MRPL1: variants seen among roughly 807,000 people sequenced by gnomAD.
MRPL1 encodes the protein large ribosomal subunit protein uL1m.
Under a neutral mutation model 38.0 loss-of-function variants are expected in MRPL1, and 28 were observed. That is an observed-to-expected ratio of 0.74 (90% CI 0.55 to 1.01). The LOEUF is 1.01. Ranked by LOEUF, MRPL1 falls within the 50% of genes least tolerant of loss-of-function variation. The probability of loss-of-function intolerance (pLI) is 0.00; values close to 1 mark genes in which losing one functional copy is unlikely to be tolerated. For missense variants in MRPL1, 358 were observed against 389.8 expected (o/e 0.92, Z 0.69); for synonymous variants, 123 against 126.7 (o/e 0.97, Z 0.20).
rs71214374 is a variant in MRPL1, at chr4:77,867,746, CTTTTTTT to C, written c.32-3975_32-3969del. 1.8e-3 allele frequency among the ~76,000 whole-genome samples: 167 copies of C among 92,036 alleles called. 1 individual carries two copies. The highest frequency in any genetic ancestry group is 2.0e-3 in the Non-Finnish European group (97 of 48,372). 60.4% of individuals were successfully genotyped at this position (92,036 alleles called of 152,430 possible). Reference sequence around the variant, plus strand: ...TACACCCAGCCTTGGATAGTTATTTCTTTTTTTTTTTTTTTTTTTTTTTTTTTTTAGA... The same window carrying C: ...TACACCCAGCCTTGGATAGTTATTTCTTTTTTTTTTTTTTTTTTTTTTAGA... On this transcript the variant is annotated intron_variant, in intron 1 of 8. Transcript: ENST00000315567.
chr4:77,897,072 CT>C (rs113485592), intron 6 of MRPL1, among the ~76,000 whole-genome samples: 10,856 of 149,030 alleles, frequency 0.073, 616 homozygotes, highest in African/African-American at 0.16. Flanking sequence ...TGAAATATAT[CT>C]TTTTTTTTTA....
rs766283466 is a variant in MRPL1, at chr4:77,862,847, A to C, written c.-2A>C. 1 of 1,614,136 alleles carries C rather than the reference A, an allele frequency of 6.2e-7. No individual in the cohort carries two copies. The highest frequency in any genetic ancestry group is 1.7e-5 in the Admixed American group (1 of 60,014). On this transcript the variant is annotated 5_prime_UTR_variant, in exon 1 of 9. Transcript: ENST00000315567. ...TCGTGAACGCAATCCGGAGTGCCCA[A>C]CATGGCGGCGGCCGTAAGGTGCATG... is the stretch of plus-strand genomic sequence containing the variant.
chr4:77,911,036 T>C (rs1053699167), intron 7 of MRPL1, among the ~76,000 whole-genome samples: 2 of 152,206 alleles, frequency 1.3e-5, no homozygotes, highest in Admixed American at 6.5e-5. Context: ...AATACCTACC[T>C]TTTCAGCTAC....
intron 6 of MRPL1, 32 bp downstream of exon 6, chr4:77,894,282 T>G (rs2110240707): frequency 7.6e-7 from 1 of 1,320,652 alleles, no homozygotes; most frequent in Non-Finnish European, 1.1e-6. Flanking sequence ...CAATATCCTG[T>G]CAACAACTTT....
At chr4:77,889,715 C>A (rs1735764180) in intron 5 of MRPL1, among the ~76,000 whole-genome samples, 1 of 152,054 alleles carries the variant, frequency 6.6e-6, no homozygotes, top group Non-Finnish European at 1.5e-5. Flanking sequence ...AAGAGATCAA[C>A]AAAATTGATA....
chr4:77,885,243 G>A lies in MRPL1; in HGVS notation c.403-13G>A. 1 of 1,590,496 alleles carries A rather than the reference G, an allele frequency of 6.3e-7. No homozygotes were observed. Among genetic ancestry groups the A allele is most frequent in the Non-Finnish European group, 8.6e-7 (1 of 1,158,586 alleles). The stretch of plus-strand genomic sequence containing the variant: ...TAACTTTACGTAATTATTTTTCCTT[G>A]TCATGTGTTTAGAAAAACGTGGAGC... On this transcript the variant is annotated splice_polypyrimidine_tract_variant and intron_variant, in intron 3 of 8. Transcript: ENST00000315567.
chr4:77,882,698 T>C (rs111370786), intron 2 of MRPL1, among the ~76,000 whole-genome samples: 8 of 152,252 alleles, frequency 5.3e-5, no homozygotes, highest in Non-Finnish European at 1.0e-4. Context: ...TTCCATTATA[T>C]GGACATACCA....
chr4:77,879,288 C>T (rs1235002323), intron 2 of MRPL1, among the ~76,000 whole-genome samples: 2 of 152,066 alleles, frequency 1.3e-5, no homozygotes, highest in Non-Finnish European at 2.9e-5. Context: ...TGTTAAATTG[C>T]AGTTCTTTTT....
At chr4:77,883,176 G>T in intron 2 of MRPL1, 66 bp from the exon 3 acceptor site, 5 of 1,050,366 alleles carry the variant, frequency 4.8e-6, no homozygotes, top group South Asian at 4.2e-5. Flanking sequence ...ATGTACACTG[G>T]CTTTTTTTTT....
intron 1 of MRPL1, chr4:77,864,811 T>C (rs1345593837): frequency 2.0e-5 from 3 of 152,138 alleles, no homozygotes; most frequent in Non-Finnish European, 4.4e-5. Flanking sequence ...CGGTAGCTAC[T>C]GTTCTTTTTA....
chr4:77,940,360 G>A (rs1737089966), intron 7 of MRPL1, among the ~76,000 whole-genome samples: 1 of 152,166 alleles, frequency 6.6e-6, no homozygotes, highest in Admixed American at 6.5e-5. Flanking sequence ...TGCTGTTGGT[G>A]TATAGCAGAC....
chr4:77,944,757 T>G (rs575056654), intron 7 of MRPL1, among the ~76,000 whole-genome samples: 1 of 152,350 alleles, frequency 6.6e-6, no homozygotes, highest in East Asian at 1.9e-4. Flanking sequence ...AGTGTTTCAC[T>G]TAGTTTCCCT....
At position 77,883,355 on chromosome 4, in the gene MRPL1, T is replaced by G; in HGVS notation, c.257T>G (p.Val86Gly). ...PYMEGEPEDD[V>G]YLKRLYPRQI... ...ATGGAAGGCGAACCTGAGGATGATG[T>G]CTATTTAAAACGCTTATACCCGAGA... The change falls in exon 3 of 9, where the codon GTC (valine) becomes GGC (glycine). Residue 86 changes from valine (V) to glycine (G), a missense_variant. Coordinates refer to ENST00000315567, the MANE Select transcript of MRPL1 (RefSeq NM_020236.4). 6.2e-7 allele frequency: 1 copy of G among 1,613,936 alleles called. No individual in the cohort carries two copies. Among genetic ancestry groups the G allele is most frequent in the Non-Finnish European group, 8.5e-7 (1 of 1,179,934 alleles).
chr4:77,948,426 G>C (rs1329919687), intron 7 of MRPL1, among the ~76,000 whole-genome samples: 2 of 152,144 alleles, frequency 1.3e-5, no homozygotes, highest in Non-Finnish European at 2.9e-5. Context: ...AGTCTGTACG[G>C]TGTATGGACT....
At chr4:77,864,162 A>G (rs191924880) in intron 1 of MRPL1, among the ~76,000 whole-genome samples, 7 of 152,324 alleles carry the variant, frequency 4.6e-5, no homozygotes, top group Non-Finnish European at 1.0e-4. Context: ...AGGCATCTTC[A>G]TGTATGACAG....
chr4:77,929,769 T>A (rs538418710), intron 7 of MRPL1, among the ~76,000 whole-genome samples: 106 of 150,180 alleles, frequency 7.1e-4, no homozygotes, highest in African/African-American at 2.2e-3. Context: ...GGGTTTTATT[T>A]AAAAAAAAAA....
In MRPL1 at chr4:77,952,738, G is replaced by A. The variant is rs967376561; in HGVS notation, c.*131G>A. 27 of 615,100 alleles carry A rather than the reference G, an allele frequency of 4.4e-5. No homozygotes were observed. The highest frequency in any genetic ancestry group is 2.1e-4 in the East Asian group (7 of 33,864). 38.1% of individuals were successfully genotyped at this position (615,100 alleles called of 1,614,324 possible). ...AAGTGAACTTTAACATTGAAAAATC[G>A]TACAGTCATTTCAAGAATAAGAAAA... On this transcript the variant is annotated 3_prime_UTR_variant, in exon 9 of 9. Transcript: ENST00000315567.
chr4:77,906,236 A>T (rs991689579), intron 6 of MRPL1, among the ~76,000 whole-genome samples: 5 of 152,220 alleles, frequency 3.3e-5, no homozygotes, highest in African/African-American at 9.6e-5. Flanking sequence ...AAGAGGACAG[A>T]TTACATTGTG....
At chr4:77,885,216 ATTAACT>A in intron 3 of MRPL1, 34 bp from the exon 4 acceptor site, 1 of 1,442,740 alleles carries the variant, frequency 6.9e-7, no homozygotes, top group Non-Finnish European at 9.8e-7. Flanking sequence ...AATAGAAAAG[ATTAACT>A]TTACGTAATT....
Sources: allele counts gnomAD v4.1 joint callset (sites outside exome capture counted in the v4.1 genomes callset), GRCh38; gene constraint gnomAD v4.1.1; transcripts MANE v1.5; gene names NCBI Gene and HGNC (gene_info 2026-07-23, HGNC 2026-07-21).